The following CCDC28A variants were observed in gnomAD, a reference collection of about 807,000 sequenced individuals.
CCDC28A encodes the protein coiled-coil domain-containing protein 28A.
CCDC28A carries 24 observed loss-of-function variants against 22.1 expected under a neutral mutation model. The observed-to-expected ratio is 1.09, with a 90% CI of 0.79 to 1.53. The LOEUF is 1.53. Among genes scored for constraint, CCDC28A ranks in the 40% most tolerant of loss-of-function variants. The probability of loss-of-function intolerance (pLI) is 0.00; values close to 1 mark genes in which losing one functional copy is unlikely to be tolerated. For synonymous variants in CCDC28A, 83 were observed against 74.7 expected, an observed-to-expected ratio of 1.11 and a Z score of -0.57; for missense variants, 170 against 210.7, an observed-to-expected ratio of 0.81 and a Z score of 1.20.
chr6:138,792,715 A>G (rs938844471), intron 5 of CCDC28A, 34 bp from the exon 6 acceptor site: 2 of 1,383,264 alleles, frequency 1.4e-6, no homozygotes, highest in Non-Finnish European at 2.0e-6. Context: ...AGTACCCCTT[A>G]TAGAATGAAA....
intron 5 of CCDC28A, among the ~76,000 whole-genome samples, chr6:138,791,549 A>C (rs1248444010): frequency 6.6e-6 from 1 of 152,142 alleles, no homozygotes; most frequent in Non-Finnish European, 1.5e-5. Context: ...ACCTGTATGC[A>C]CATGCTGTTG....
At chr6:138,787,434 T>C (rs1014818118) in intron 4 of CCDC28A, among the ~76,000 whole-genome samples, 2 of 152,178 alleles carry the variant, frequency 1.3e-5, no homozygotes, top group Non-Finnish European at 2.9e-5. Context: ...TAAATTTCTA[T>C]TGTTTATAAG....
intron 2 of CCDC28A, among the ~76,000 whole-genome samples, chr6:138,776,739 G>A (rs1774939873): frequency 6.6e-6 from 1 of 151,852 alleles, no homozygotes; most frequent in African/African-American, 2.4e-5. Flanking sequence ...GGCCGGCCTT[G>A]AACCTCTGGG....
Position 138,779,811 on chromosome 6 carries a change from C to T in CCDC28A, c.159-11C>T, listed in dbSNP as rs376950166. Reference sequence around the variant, plus strand: ...ATAGCCTAAAAAGCCTAAATTTCATCGTCTTTACAGAGTGATGAAAGAAAA... The same window carrying T: ...ATAGCCTAAAAAGCCTAAATTTCATTGTCTTTACAGAGTGATGAAAGAAAA... On this transcript the variant is annotated splice_polypyrimidine_tract_variant and intron_variant, in intron 2 of 5. Coordinates refer to ENST00000617445, the MANE Select transcript of CCDC28A (RefSeq NM_015439.3). 16 of 1,589,968 alleles carry T rather than the reference C, an allele frequency of 1.0e-5. No individual in the cohort carries two copies. The highest frequency in any genetic ancestry group is 9.5e-5 in the African/African-American group (7 of 73,334).
In CCDC28A at chr6:138,789,838, G is replaced by A. The variant is rs149446240; in HGVS notation, c.500+1450G>A. 9.9e-5 allele frequency among the ~76,000 whole-genome samples: 15 copies of A among 152,204 alleles called. No individual in the cohort carries two copies. The East Asian group carries it at 2.7e-3, about 27-fold the overall frequency. On this transcript the variant is annotated intron_variant, in intron 5 of 5. Coordinates refer to ENST00000617445, the MANE Select transcript of CCDC28A (RefSeq NM_015439.3). ...AAGTATATCCAAGTCCTGTAATGGC[G>A]ATTAATAGCTAATCTTCATGAATAC...
intron 1 of CCDC28A, among the ~76,000 whole-genome samples, chr6:138,775,792 C>G (rs1193199587): frequency 1.3e-5 from 2 of 152,120 alleles, no homozygotes; most frequent in African/African-American, 2.4e-5. Flanking sequence ...TCTCCAGTAC[C>G]CACAATAGTG....
intron 4 of CCDC28A, among the ~76,000 whole-genome samples, chr6:138,786,081 G>A (rs1462684060): frequency 6.6e-6 from 1 of 152,184 alleles, no homozygotes; most frequent in African/African-American, 2.4e-5. Context: ...GCTAAAGTTG[G>A]AGCTCAGGGT....
intron 5 of CCDC28A, among the ~76,000 whole-genome samples, chr6:138,789,249 T>G (rs960686451): frequency 2.0e-5 from 3 of 152,202 alleles, no homozygotes; most frequent in Non-Finnish European, 4.4e-5. Flanking sequence ...GCCTATAAAA[T>G]AATTTAATTT....
chr6:138,792,834 G>C lies in CCDC28A; in HGVS notation c.*31G>C, dbSNP rs1275404564. ...AATGTAGTTTGCTTTCTTGTGATTT[G>C]AAGAGAAGCAGCAGTCTTTACTTTT... On this transcript the variant is annotated 3_prime_UTR_variant, in exon 6 of 6. Coordinates refer to ENST00000617445, the MANE Select transcript of CCDC28A (RefSeq NM_015439.3). 1 of 1,485,906 alleles carries C rather than the reference G, an allele frequency of 6.7e-7. No individual in the cohort carries two copies. Among genetic ancestry groups the C allele is most frequent in the East Asian group, 2.3e-5 (1 of 44,172 alleles). The allele number at this position is 1,485,906 out of a possible 1,614,324, so 92.0% of individuals were successfully genotyped here. A position where few individuals can be genotyped will look rare whatever the true frequency, so the allele number is the denominator to read the frequency against.
At chr6:138,774,404 T>C (rs1172180738) in intron 1 of CCDC28A, among the ~76,000 whole-genome samples, 1 of 152,246 alleles carries the variant, frequency 6.6e-6, no homozygotes, top group Non-Finnish European at 1.5e-5. Context: ...TAATCGTCTC[T>C]ATTCAGTCAT....
chr6:138,788,393 C>T lies in CCDC28A; in HGVS notation c.500+5C>T. The T allele has an allele frequency of 8.0e-7, 1 of 1,250,640 alleles. No individual in the cohort carries two copies. The highest frequency in any genetic ancestry group is 1.1e-6 in the Non-Finnish European group (1 of 909,950). 77.5% of individuals were successfully genotyped at this position (1,250,640 alleles called of 1,614,324 possible). A position where few individuals can be genotyped will look rare whatever the true frequency, so the allele number is the denominator to read the frequency against. ...AGAAGAATTGAATTCTTCCATGTAT[C>T]CTTTGTCTGCTATCAACAGTGAAAA... On this transcript the variant is annotated splice_donor_5th_base_variant and intron_variant, in intron 5 of 5. Transcript: ENST00000617445.
At chr6:138,785,169 T>C in intron 3 of CCDC28A, 58 bp from the exon 4 acceptor site, 1 of 1,230,218 alleles carries the variant, frequency 8.1e-7, no homozygotes, top group East Asian at 2.4e-5. Context: ...GTGTTTTTAC[T>C]CAATGCTGTT....
Position 138,792,741 on chromosome 6 carries a change from T to A in CCDC28A, c.501-8T>A, listed in dbSNP as rs202215382. 1.4e-3 allele frequency: 2,157 copies of A among 1,582,982 alleles called. 10 individuals carry two copies. The highest frequency in any genetic ancestry group is 1.7e-3 in the Non-Finnish European group (1,930 of 1,155,146). On this transcript the variant is annotated splice_polypyrimidine_tract_variant and splice_region_variant and intron_variant, in intron 5 of 5. Transcript: ENST00000617445. ...TAGAATGAAAATCTTCTTAACTGAT[T>A]AATTCAGACAAAAACTCCATTTGGC...
At chr6:138,791,621 T>C (rs1471416925) in intron 5 of CCDC28A, among the ~76,000 whole-genome samples, 1 of 152,216 alleles carries the variant, frequency 6.6e-6, no homozygotes, top group Non-Finnish European at 1.5e-5. Context: ...AAACACATCA[T>C]GTTCATTCTC....
Position 138,773,805 on chromosome 6 carries a change from A to T in CCDC28A, c.-140A>T, listed in dbSNP as rs757398145. ...GAGCTGCGGAGGAGCGGGTCCCGGG[A>T]TGTGACCGGGGCTCTGCTTGTGGCT... On this transcript the variant is annotated 5_prime_UTR_variant, in exon 1 of 6. An upstream start codon of the reference 5' UTR is lost. Transcript: ENST00000617445. 78 of 1,613,802 alleles carry T rather than the reference A, an allele frequency of 4.8e-5. No homozygotes were observed. The highest frequency in any genetic ancestry group is 6.5e-5 in the Non-Finnish European group (77 of 1,179,950).
intron 3 of CCDC28A, 66 bp downstream of exon 3, chr6:138,780,051 AT>A: frequency 8.3e-7 from 1 of 1,209,534 alleles, no homozygotes; most frequent in Non-Finnish European, 1.1e-6. Flanking sequence ...TTCTGTGTGT[AT>A]TTTACTCTTC....
chr6:138,785,362 T>C lies in CCDC28A; in HGVS notation c.458T>C (p.Leu153Pro), dbSNP rs1775077376. 6.2e-7 allele frequency: 1 copy of C among 1,612,714 alleles called. No individual in the cohort carries two copies. Residue 153 changes from leucine (L) to proline (P), a missense_variant, in exon 4 of 6, where the codon CTG becomes CCG. Transcript: ENST00000617445. ...DKRKTASDSN[L>P]DRLLSDLEEL... Reference sequence around the variant, plus strand: ...AGAAAAACAGCCAGTGACTCCAATCTGGATAGGCTTCTGTCAGATGTAAGT... The same window carrying C: ...AGAAAAACAGCCAGTGACTCCAATCCGGATAGGCTTCTGTCAGATGTAAGT...
chr6:138,773,903 G>T lies in CCDC28A; in HGVS notation c.-43+1G>T. 1 of 1,612,404 alleles carries T rather than the reference G, an allele frequency of 6.2e-7. No homozygotes were observed. Among genetic ancestry groups the T allele is most frequent in the East Asian group, 2.2e-5 (1 of 44,862 alleles). ...GGGCCCCAATACCCTTCTTCTTCAG[G>T]TATGTAGTGGAAGCAAAGGAACCTC... is the stretch of plus-strand genomic sequence containing the variant. On this transcript the variant is annotated splice_donor_variant, in intron 1 of 5. Coordinates refer to ENST00000617445, the MANE Select transcript of CCDC28A (RefSeq NM_015439.3). LOFTEE classifies it low-confidence loss of function (5UTR_SPLICE).
intron 5 of CCDC28A, among the ~76,000 whole-genome samples, chr6:138,790,899 C>G (rs1206552324): frequency 6.6e-6 from 1 of 152,172 alleles, no homozygotes; most frequent in Non-Finnish European, 1.5e-5. Context: ...TCTTCCTTCA[C>G]TCTCTACATG....
Sources: allele counts gnomAD v4.1 joint callset (sites outside exome capture counted in the v4.1 genomes callset), GRCh38; gene constraint gnomAD v4.1.1; transcripts MANE v1.5; gene names NCBI Gene and HGNC (gene_info 2026-07-23, HGNC 2026-07-21).